The following ABCA13 variants were observed in gnomAD, a reference collection of about 807,000 sequenced individuals.
ABCA13 encodes the protein ATP-binding cassette sub-family A member 13.
ABCA13 carries 476 observed loss-of-function variants against 478.7 expected under a neutral mutation model. The ratio of observed to expected loss-of-function variants is 0.99; its 90% CI spans 0.92 to 1.07. The LOEUF is 1.07. Ranked by LOEUF, ABCA13 falls within the 50% of genes least tolerant of loss-of-function variation. The pLI, the probability that ABCA13 is intolerant of heterozygous loss-of-function variation, is 0.00. For synonymous variants in ABCA13, 2,252 were observed against 2,158.9 expected, an observed-to-expected ratio of 1.04 and a Z score of -1.20; for missense variants, 6,060 against 5,910.6, an observed-to-expected ratio of 1.03 and a Z score of -0.83.
intron 29 of ABCA13, among the ~76,000 whole-genome samples, chr7:48,343,166 C>T (rs151335759): frequency 7.1e-4 from 108 of 151,918 alleles, no homozygotes; most frequent in African/African-American, 2.4e-3. Context: ...AAATTGAAAC[C>T]AGACATTATA....
intron 44 of ABCA13, among the ~76,000 whole-genome samples, chr7:48,467,326 TTAA>T (rs1826992863): frequency 6.6e-6 from 1 of 152,222 alleles, no homozygotes; most frequent in African/African-American, 2.4e-5. Context: ...TTCAATTTGT[TTAA>T]TAAAACCCAA....
chr7:48,478,293 T>TTATATA (rs3078321), intron 45 of ABCA13, among the ~76,000 whole-genome samples: 30,065 of 132,626 alleles, frequency 0.23, 3,438 homozygotes, highest in South Asian at 0.33. Context: ...ATATATCATT[T>TTATATA]TATATATATA....
intron 59 of ABCA13, among the ~76,000 whole-genome samples, chr7:48,636,714 A>G (rs1302000116): frequency 1.3e-5 from 2 of 152,078 alleles, no homozygotes; most frequent in Admixed American, 6.5e-5. Flanking sequence ...CTGAAGAGAG[A>G]AGTAATTGTG....
intron 53 of ABCA13, among the ~76,000 whole-genome samples, chr7:48,521,531 T>C (rs546040243): frequency 6.6e-5 from 10 of 152,254 alleles, no homozygotes; most frequent in African/African-American, 2.4e-4. Context: ...AGATTTCCAA[T>C]AGCTGACTGA....
At chr7:48,493,973 A>T (rs1830055944) in intron 48 of ABCA13, among the ~76,000 whole-genome samples, 1 of 152,178 alleles carries the variant, frequency 6.6e-6, no homozygotes, top group Non-Finnish European at 1.5e-5. Context: ...AGAGATATCC[A>T]CACTCACCTT....
chr7:48,628,637 T>C (rs1269207159), intron 59 of ABCA13, among the ~76,000 whole-genome samples: 1 of 152,194 alleles, frequency 6.6e-6, no homozygotes, highest in Non-Finnish European at 1.5e-5. Context: ...AATATAGCAT[T>C]AATTTATGTA....
intron 27 of ABCA13, among the ~76,000 whole-genome samples, chr7:48,332,309 G>A (rs189441500): frequency 6.6e-6 from 1 of 152,256 alleles, no homozygotes; most frequent in African/African-American, 2.4e-5. Context: ...GTCTTTGAGT[G>A]TATCTTTTTG....
Position 48,275,190 on chromosome 7 carries a change from A to G in ABCA13, c.5524A>G (p.Asn1842Asp). The G allele has an allele frequency of 1.2e-6, 2 of 1,613,950 alleles. No homozygotes were observed. Among genetic ancestry groups the G allele is most frequent in the Non-Finnish European group, 1.7e-6 (2 of 1,179,870 alleles). ...GCAGAATTCAAAGATAGACCCCTGC[A>G]ATGTCCATGGGCTCATGTCTTCTTC... ...FRQNSKIDPCNVHGLMSSSFY... is the reference protein window; with the variant it reads ...FRQNSKIDPCDVHGLMSSSFY... The change falls in exon 17 of 62, where the codon AAT (asparagine) becomes GAT (aspartate). Residue 1842 changes from asparagine to aspartate, a missense_variant. Transcript: ENST00000435803.
intron 20 of ABCA13, among the ~76,000 whole-genome samples, chr7:48,291,950 C>T (rs533360548): frequency 2.6e-4 from 39 of 152,276 alleles, no homozygotes; most frequent in Non-Finnish European, 5.0e-4. Context: ...TCTCCAATTC[C>T]ACACCTGGCT....
chr7:48,427,874 A>G lies in ABCA13; in HGVS notation c.12565+3A>G. ...TACAGGACATCTGTCTGGCTACTGTAAGTACAGAATGGCTTCCTGCATTTC... is the reference window on the plus strand; with the variant it reads ...TACAGGACATCTGTCTGGCTACTGTGAGTACAGAATGGCTTCCTGCATTTC... On this transcript the variant is annotated splice_donor_region_variant and intron_variant, in intron 42 of 61. Transcript: ENST00000435803. 6.3e-7 allele frequency: 1 copy of G among 1,583,772 alleles called. No individual in the cohort carries two copies. Among genetic ancestry groups the G allele is most frequent in the Non-Finnish European group, 8.6e-7 (1 of 1,163,678 alleles).
chr7:48,628,377 T>C (rs796071577), intron 59 of ABCA13, among the ~76,000 whole-genome samples: 8 of 152,318 alleles, frequency 5.3e-5, no homozygotes, highest in African/African-American at 1.9e-4. Flanking sequence ...CTTCCCTTTC[T>C]TTCTTCCTTT....
At chr7:48,372,672 G>A (rs148156847) in intron 33 of ABCA13, among the ~76,000 whole-genome samples, 175 bp downstream of exon 33, 136 of 152,286 alleles carry the variant, frequency 8.9e-4, no homozygotes, top group African/African-American at 3.2e-3. Flanking sequence ...TGAAACTGCA[G>A]GGTTTTTGCT....
At chr7:48,339,684 A>G (rs974641150) in intron 29 of ABCA13, among the ~76,000 whole-genome samples, 1 of 152,272 alleles carries the variant, frequency 6.6e-6, no homozygotes, top group Non-Finnish European at 1.5e-5. Context: ...GTGTTGGGAC[A>G]CAGAATATGA....
At position 48,271,767 on chromosome 7, in the gene ABCA13, T is replaced by C; in HGVS notation, c.2121-20T>C. The C allele has an allele frequency of 7.9e-7, 1 of 1,271,058 alleles. No homozygotes were observed. 78.7% of individuals were successfully genotyped at this position (1,271,058 alleles called of 1,614,324 possible). On this transcript the variant is annotated intron_variant, in intron 16 of 61. Transcript: ENST00000435803. ...TTTATTTTTTTATTTTATACTAAAATAATTCTATTAATATTACAGGGCTTT... is the reference window on the plus strand; with the variant it reads ...TTTATTTTTTTATTTTATACTAAAACAATTCTATTAATATTACAGGGCTTT...
At chr7:48,224,887 G>A (rs1321064209) in intron 5 of ABCA13, among the ~76,000 whole-genome samples, 4 of 152,156 alleles carry the variant, frequency 2.6e-5, no homozygotes, top group Non-Finnish European at 5.9e-5. Context: ...CCTTCTTCCT[G>A]GGACCATCTC....
chr7:48,241,239 G>A (rs560850445), intron 10 of ABCA13, among the ~76,000 whole-genome samples, 173 bp downstream of exon 10: 1 of 152,266 alleles, frequency 6.6e-6, no homozygotes, highest in Admixed American at 6.5e-5. Context: ...CAGGGTAGAA[G>A]TCTTGGCAGC....
intron 3 of ABCA13, among the ~76,000 whole-genome samples, chr7:48,200,642 A>G (rs1798549664): frequency 6.6e-6 from 1 of 152,188 alleles, no homozygotes; most frequent in Non-Finnish European, 1.5e-5. Flanking sequence ...AAAATAAAAT[A>G]GGGAAAGGAA....
At chr7:48,268,651 C>T (rs767181660) in intron 15 of ABCA13, among the ~76,000 whole-genome samples, 14 of 152,108 alleles carry the variant, frequency 9.2e-5, no homozygotes, top group Admixed American at 1.3e-4. Context: ...CAACTCAGCA[C>T]GTCCACTGGA....
intron 5 of ABCA13, among the ~76,000 whole-genome samples, chr7:48,222,672 T>C (rs1165223865): frequency 6.6e-6 from 1 of 152,154 alleles, no homozygotes; most frequent in Non-Finnish European, 1.5e-5. Context: ...GTTTGCGATG[T>C]AAAAACATTT....
Sources: gnomAD v4.1 joint callset for allele counts (sites outside exome capture counted in the v4.1 genomes callset) on GRCh38, gnomAD v4.1.1 for gene constraint, MANE v1.5 for transcripts, NCBI Gene and HGNC (gene_info 2026-07-23, HGNC 2026-07-21) for gene names.